KIAA0319: variants seen among roughly 807,000 people sequenced by gnomAD.
The protein encoded by KIAA0319 is dyslexia-associated protein KIAA0319.
KIAA0319 carries 83 observed loss-of-function variants against 108.4 expected under a neutral mutation model. The observed-to-expected ratio is 0.77, with a 90% CI of 0.64 to 0.92. The LOEUF is 0.92. Among genes scored for constraint, KIAA0319 ranks in the 40% least tolerant of loss-of-function variants. The pLI is 0.00. For missense variants in KIAA0319, 1,195 were observed against 1,322.4 expected (o/e 0.90, Z 1.49); for synonymous variants, 484 against 510.4 (o/e 0.95, Z 0.70).
At position 24,556,615 on chromosome 6, in the gene KIAA0319, C is replaced by A. The variant is rs377219427; in HGVS notation, c.2849G>T (p.Ser950Ile). The A allele has an allele frequency of 3.1e-6, 5 of 1,613,796 alleles. No homozygotes were observed. In the African/African-American group the frequency reaches 5.3e-5, roughly 17 times the overall value. ...LIQRYIWDGE[S>I]NCEWSIFYVT... ...TCTATACCAGAACTCACCACAGTTG[C>A]TCTCTCCATCCCAGATATAACGCTG... Residue 950 changes from serine to isoleucine, a missense_variant, in exon 18 of 21, where the codon AGC becomes ATC. Coordinates refer to ENST00000378214, the MANE Select transcript of KIAA0319 (RefSeq NM_014809.4).
rs138492435 is a variant in KIAA0319 at position 24,590,621 on chromosome 6, G to A, written c.802-1836C>T. 5.4e-3 allele frequency among the ~76,000 whole-genome samples: 817 copies of A among 152,222 alleles called. 11 individuals carry two copies. The highest frequency in any genetic ancestry group is 0.017 in the African/African-American group (702 of 41,552). ...TTGAATTTTTTTTTAATCAAGTCCT[G>A]AAAAATTATTGCCAAGTTGAAATAA... On this transcript the variant is annotated intron_variant, in intron 3 of 20. Coordinates refer to ENST00000378214, the MANE Select transcript of KIAA0319 (RefSeq NM_014809.4).
At position 24,547,196 on chromosome 6, in the gene KIAA0319, G is replaced by C; in HGVS notation, c.3188C>G (p.Ala1063Gly). 4 of 1,614,180 alleles carry C rather than the reference G, an allele frequency of 2.5e-6. No homozygotes were observed. The East Asian group carries it at 8.9e-5, about 36-fold the overall frequency. ...GTCCTTTGAGCAATAACTGAAGGAA[G>C]CTCCATTTCTGATGGAACCATTCAT... Reference protein sequence around the residue: ...VSMNGSIRNGASFSYCSKDR With the variant: ...VSMNGSIRNGGSFSYCSKDR The change falls in exon 21 of 21, where the codon GCT becomes GGT. Residue 1063 changes from alanine to glycine, a missense_variant. Coordinates refer to ENST00000378214, the MANE Select transcript of KIAA0319 (RefSeq NM_014809.4).
chr6:24,618,997 C>A (rs1231016754), intron 1 of KIAA0319, among the ~76,000 whole-genome samples: 2 of 152,064 alleles, frequency 1.3e-5, no homozygotes, highest in East Asian at 3.8e-4. Flanking sequence ...ATCATGTGGA[C>A]AGCTGAGAGG....
rs1217538235 is a variant in KIAA0319 at position 24,578,171 on chromosome 6, T to G, written c.1444A>C (p.Thr482Pro). 6.2e-7 allele frequency: 1 copy of G among 1,612,942 alleles called. No homozygotes were observed. Among genetic ancestry groups the G allele is most frequent in the Non-Finnish European group, 8.5e-7 (1 of 1,179,196 alleles). Residue 482 changes from threonine (T) to proline (P), a missense_variant, in exon 9 of 21, where the codon ACT becomes CCT. By Grantham distance (38) the Thr-to-Pro change is conservative. Coordinates refer to ENST00000378214, the MANE Select transcript of KIAA0319 (RefSeq NM_014809.4). ...EINGPFIEEK[T>P]SVDSPVLRLS... Reference sequence around the variant, plus strand: ...CGTAAGACGGGAGAGTCAACTGAAGTCTTCTCTTCTATGAAGGGCCCGTTT... The same window carrying G: ...CGTAAGACGGGAGAGTCAACTGAAGGCTTCTCTTCTATGAAGGGCCCGTTT...
At chr6:24,579,986 T>C in intron 7 of KIAA0319, 36 bp from the exon 8 acceptor site, 1 of 1,462,158 alleles carries the variant, frequency 6.8e-7, no homozygotes, top group Middle Eastern at 1.7e-4. Flanking sequence ...TGAGCCCATC[T>C]TGTGTAGGCA....
chr6:24,645,839 T>TCACACACA lies in KIAA0319; in HGVS notation c.-210_-209insTGTGTGTG, dbSNP rs1489856180. ...TTCCTCCTCGTCGTCATCGCAGGTC[T>TCACACACA]TACACACACACACACACACACACAC... is the stretch of plus-strand genomic sequence containing the variant. On this transcript the variant is annotated 5_prime_UTR_variant, in exon 1 of 21. It adds an upstream start codon to the 5' untranslated region. Transcript: ENST00000378214. 1.0e-5 allele frequency: 1 copy of TCACACACA among 97,064 alleles called. No homozygotes were observed. The highest frequency in any genetic ancestry group is 2.3e-5 in the Non-Finnish European group (1 of 42,976). The allele number at this position is 97,064 out of a possible 1,614,324, so 6.0% of individuals were successfully genotyped here. A position where few individuals can be genotyped will look rare whatever the true frequency, so the allele number is the denominator to read the frequency against.
At chr6:24,582,627 G>A (rs1438893190) in intron 5 of KIAA0319, among the ~76,000 whole-genome samples, 14 of 145,328 alleles carry the variant, frequency 9.6e-5, no homozygotes, top group Non-Finnish European at 1.6e-4. Flanking sequence ...AAAAACATAC[G>A]TCTTACAGGA....
chr6:24,590,317 C>T (rs924480944), intron 3 of KIAA0319, among the ~76,000 whole-genome samples: 3 of 148,584 alleles, frequency 2.0e-5, no homozygotes, highest in African/African-American at 5.0e-5. Context: ...AAAAACAAGA[C>T]GAAATAATGA....
intron 1 of KIAA0319, among the ~76,000 whole-genome samples, chr6:24,610,536 A>C (rs980703339): frequency 6.6e-6 from 1 of 152,236 alleles, no homozygotes; most frequent in African/African-American, 2.4e-5. Context: ...TCAAACAGTT[A>C]AACAGAGTTA....
At chr6:24,585,186 C>T (rs1767278465) in intron 4 of KIAA0319, among the ~76,000 whole-genome samples, 1 of 152,108 alleles carries the variant, frequency 6.6e-6, no homozygotes, top group Non-Finnish European at 1.5e-5. Flanking sequence ...CTACAGGAGA[C>T]CAGAACATGC....
intron 13 of KIAA0319, among the ~76,000 whole-genome samples, chr6:24,568,322 C>T (rs2127454877): frequency 6.6e-6 from 1 of 152,330 alleles, no homozygotes; most frequent in South Asian, 2.1e-4. Flanking sequence ...ACAGAGATGT[C>T]TGAAGCAAAG....
chr6:24,605,829 A>G (rs1201301530), intron 1 of KIAA0319, among the ~76,000 whole-genome samples: 2 of 152,142 alleles, frequency 1.3e-5, no homozygotes, highest in East Asian at 1.9e-4. Context: ...TTACCTTTGT[A>G]TTAATAAAAT....
rs1374142774 is a variant in KIAA0319, at chr6:24,553,290, TATATAC to T, written c.2948+1245_2948+1250del. Among the ~76,000 whole-genome samples the T allele has an allele frequency of 9.6e-3, 774 of 80,612 alleles. 9 individuals are homozygous for T. The highest frequency in any genetic ancestry group is 0.033 in the African/African-American group (591 of 18,122). 52.9% of individuals were successfully genotyped at this position (80,612 alleles called of 152,430 possible). ...TGTGAGATAGATATATATATATATA[TATATAC>T]ACACACACACACACACACACACACA... On this transcript the variant is annotated intron_variant, in intron 19 of 20. Transcript: ENST00000378214.
At chr6:24,620,339 C>T (rs1488954256) in intron 1 of KIAA0319, among the ~76,000 whole-genome samples, 4 of 152,168 alleles carry the variant, frequency 2.6e-5, no homozygotes, top group East Asian at 3.9e-4. Flanking sequence ...CTCACTCTGT[C>T]GCCCAGGCTG....
intron 17 of KIAA0319, 26 bp downstream of exon 17, chr6:24,558,987 T>A: frequency 6.3e-7 from 1 of 1,593,092 alleles, no homozygotes; most frequent in South Asian, 1.1e-5. Context: ...GTCTGATTGT[T>A]TTAGAATATT....
intron 1 of KIAA0319, among the ~76,000 whole-genome samples, chr6:24,616,585 C>A (rs1173236663): frequency 6.6e-6 from 1 of 152,312 alleles, no homozygotes; most frequent in East Asian, 1.9e-4. Context: ...ATTTCTTGAC[C>A]TCGTGATCTG....
chr6:24,587,369 C>T (rs1767685439), intron 4 of KIAA0319, among the ~76,000 whole-genome samples: 1 of 152,064 alleles, frequency 6.6e-6, no homozygotes, highest in South Asian at 2.1e-4. Flanking sequence ...CAAGCTTTGC[C>T]TCCCGGGTTC....
chr6:24,613,983 G>A (rs1198411067), intron 1 of KIAA0319, among the ~76,000 whole-genome samples: 1 of 152,040 alleles, frequency 6.6e-6, no homozygotes, highest in Non-Finnish European at 1.5e-5. Context: ...ACTATCCTGT[G>A]GATAATAGGA....
intron 18 of KIAA0319, among the ~76,000 whole-genome samples, chr6:24,556,303 C>A (rs1762279051): frequency 6.6e-6 from 1 of 151,754 alleles, no homozygotes; most frequent in African/African-American, 2.4e-5. Flanking sequence ...AGCTCATCCT[C>A]CTGAGTAGCT....
Sources: allele counts gnomAD v4.1 joint callset (sites outside exome capture counted in the v4.1 genomes callset), GRCh38; gene constraint gnomAD v4.1.1; transcripts MANE v1.5; gene names NCBI Gene and HGNC (gene_info 2026-07-23, HGNC 2026-07-21).